RTEL1: variants seen among roughly 807,000 people sequenced by gnomAD.
RTEL1 encodes the protein regulator of telomere length.
A neutral mutation model predicts 162.2 loss-of-function variants in RTEL1; 86 were observed. The ratio of observed to expected loss-of-function variants is 0.53; its 90% CI spans 0.45 to 0.63. RTEL1 has a LOEUF of 0.63. Ranked by LOEUF, RTEL1 falls within the 30% of genes least tolerant of loss-of-function variation. The probability of loss-of-function intolerance (pLI) is 0.00; values close to 1 mark genes in which losing one functional copy is unlikely to be tolerated. For synonymous variants in RTEL1, 958 were observed against 717.9 expected, an observed-to-expected ratio of 1.33 and a Z score of -5.35; for missense variants, 1,941 against 1,750.2, an observed-to-expected ratio of 1.11 and a Z score of -1.95.
chr20:63,684,631 C>T (rs2090550724), intron 14 of RTEL1, among the ~76,000 whole-genome samples: 1 of 152,174 alleles, frequency 6.6e-6, no homozygotes, highest in Non-Finnish European at 1.5e-5. Flanking sequence ...GCATGAGCCA[C>T]CGTGCCCAGC....
intron 19 of RTEL1, 37 bp from the exon 20 acceptor site, chr20:63,688,263 TC>T: frequency 6.2e-7 from 1 of 1,609,618 alleles, no homozygotes; most frequent in South Asian, 1.1e-5. Flanking sequence ...CCTGCAGACA[TC>T]CTGCCCCTGC....
intron 6 of RTEL1, among the ~76,000 whole-genome samples, chr20:63,664,267 C>A (rs536387676): frequency 2.0e-3 from 304 of 152,342 alleles, no homozygotes; most frequent in African/African-American, 6.9e-3. Flanking sequence ...GAGGTCCTCA[C>A]CTGGATTTCC....
Position 63,668,113 on chromosome 20 carries a change from T to TC in RTEL1, c.699+566dup, listed in dbSNP as rs1403461008. ...CCCGTGTGCCCAGCCCCACGCTCAC[T>TC]CCCCCCGCCAGCATGTGCCCGGCCC... On this transcript the variant is annotated intron_variant, in intron 8 of 34. Coordinates refer to ENST00000360203, the MANE Select transcript of RTEL1 (RefSeq NM_001283009.2). The surrounding 1 kb of genome is among the most constrained non-coding windows in gnomAD (Gnocchi z 4.3). Among the ~76,000 whole-genome samples, 3 of 57,176 alleles carry TC rather than the reference T, an allele frequency of 5.2e-5. No individual in the cohort carries two copies. The highest frequency in any genetic ancestry group is 1.1e-4 in the Non-Finnish European group (3 of 27,438). 37.5% of individuals were successfully genotyped at this position (57,176 alleles called of 152,430 possible). A position where few individuals can be genotyped will look rare whatever the true frequency, so the allele number is the denominator to read the frequency against.
rs749496657 is a variant in RTEL1 at position 63,661,881 on chromosome 20, C to T, written c.333C>T (p.Tyr111=). Residue 111 remains tyrosine (Y), a synonymous_variant, in exon 4 of 35, where the codon TAC becomes TAT. Coordinates refer to ENST00000360203, the MANE Select transcript of RTEL1 (RefSeq NM_001283009.2). The surrounding 1 kb of genome is among the most constrained non-coding windows in gnomAD (Gnocchi z 5.1). ...ACACGGACATCCCAAAGATTATTTA[C>T]GCCTCCAGGACCCACTCGCAACTCA... ...ACYTDIPKII[Y]ASRTHSQLTQ... The T allele has an allele frequency of 6.2e-6, 10 of 1,613,906 alleles. No homozygotes were observed. Among genetic ancestry groups the T allele is most frequent in the Middle Eastern group, 1.6e-4 (1 of 6,084 alleles).
In RTEL1 at chr20:63,690,849, T is replaced by TTCA. The variant is rs1254325984; in HGVS notation, c.2458_2459insTCA (p.Tyr820delinsPheAsn). On this transcript the variant is annotated protein_altering_variant, in exon 27 of 35. Transcript: ENST00000360203. The stretch of plus-strand genomic sequence containing the variant: ...CCCCGAGAGTAGCCTGTGTGTGGAG[T>TTCA]ATGAGCAGGAGCCAGTTCCTGCCCG... 2 of 1,603,132 alleles carry TTCA rather than the reference T, an allele frequency of 1.2e-6. No individual in the cohort carries two copies. The highest frequency in any genetic ancestry group is 4.5e-5 in the East Asian group (2 of 44,494).
At chr20:63,686,169 G>T (rs1219370918) in intron 16 of RTEL1, 2 of 491,972 alleles carry the variant, frequency 4.1e-6, no homozygotes, top group Non-Finnish European at 7.5e-6. Context: ...TTTATGCCGA[G>T]GCCGTCAGCA....
At chr20:63,692,542 C>T (rs1334843068) in intron 28 of RTEL1, 1 of 545,394 alleles carries the variant, frequency 1.8e-6, no homozygotes, top group East Asian at 3.1e-5. Flanking sequence ...TGGCTTGAGG[C>T]AGAGCCAATC....
intron 30 of RTEL1, 47 bp downstream of exon 30, chr20:63,693,330 A>G: frequency 9.3e-6 from 15 of 1,605,756 alleles, no homozygotes; most frequent in Non-Finnish European, 1.3e-5. Context: ...CGTGGAAGGC[A>G]GTGTGGGCCA....
rs200938624 is a variant in RTEL1, at chr20:63,694,798, G to A, written c.3167G>A (p.Gly1056Asp). The A allele has an allele frequency of 6.2e-7, 1 of 1,612,206 alleles. No homozygotes were observed. The highest frequency in any genetic ancestry group is 1.3e-5 in the African/African-American group (1 of 75,060). Residue 1056 changes from glycine (G) to aspartate (D), a missense_variant, in exon 32 of 35, where the codon GGC becomes GAC. Gly to Asp is a moderately conservative substitution (Grantham distance 94). Coordinates refer to ENST00000360203, the MANE Select transcript of RTEL1 (RefSeq NM_001283009.2). ...GGAGTGCCCAGAGCAGGGAAGCAGG[G>A]CCAGCACGCCGTGAGCGCCTACCTG... ...GSGVPRAGKQGQHAVSAYLAD... is the reference protein window; with the variant it reads ...GSGVPRAGKQDQHAVSAYLAD...
Position 63,691,846 on chromosome 20 carries a change from GCTGTCC to G in RTEL1, c.2652+13_2652+18del, listed in dbSNP as rs758744004. On this transcript the variant is annotated intron_variant, in intron 28 of 34. Coordinates refer to ENST00000360203, the MANE Select transcript of RTEL1 (RefSeq NM_001283009.2). ...GGCTGGTCAGCCACCCGGTGCGTGAGCTGTCCCTGCACCTGTGCCGACCACCATAGA... is the reference window on the plus strand; with the variant it reads ...GGCTGGTCAGCCACCCGGTGCGTGAGCTGCACCTGTGCCGACCACCATAGA... 167 of 1,605,694 alleles carry G rather than the reference GCTGTCC, an allele frequency of 1.0e-4. No homozygotes were observed. Among genetic ancestry groups the G allele is most frequent in the Admixed American group, 1.7e-4 (10 of 59,986 alleles).
At chr20:63,659,193 C>T in intron 1 of RTEL1, 40 bp from the exon 2 acceptor site, 1 of 581,514 alleles carries the variant, frequency 1.7e-6, no homozygotes, top group South Asian at 1.9e-5. Context: ...CCGGTACCCA[C>T]AAAGGCTGTC....
At chr20:63,689,192 G>T in intron 22 of RTEL1, 60 bp downstream of exon 22, 2 of 1,506,278 alleles carry the variant, frequency 1.3e-6, no homozygotes, top group Non-Finnish European at 1.8e-6. Flanking sequence ...GGGTGCTTAT[G>T]GCTCCCCAGC....
intron 14 of RTEL1, chr20:63,681,128 C>T (rs558011156): frequency 2.0e-6 from 2 of 985,396 alleles, no homozygotes; most frequent in Non-Finnish European, 2.4e-6. Context: ...AAATGGGGAC[C>T]CTGCAGGTTC....
rs772337432 is a variant in RTEL1, at chr20:63,662,832, C to T, written c.481C>T (p.His161Tyr). Residue 161 changes from histidine (H) to tyrosine (Y), a missense_variant, in exon 6 of 35, where the codon CAC (histidine) becomes TAC (tyrosine). Physicochemically the swap from His to Tyr is moderately conservative, Grantham distance 83. Coordinates refer to ENST00000360203, the MANE Select transcript of RTEL1 (RefSeq NM_001283009.2). ...CACTCTGCCCTTCCTCCCACAGATCCACTTGTGCCGTAAGAAGGTGGCAAG... is the reference window on the plus strand; with the variant it reads ...CACTCTGCCCTTCCTCCCACAGATCTACTTGTGCCGTAAGAAGGTGGCAAG... ...KKQESNHLQI[H>Y]LCRKKVASRS... 4 of 1,613,800 alleles carry T rather than the reference C, an allele frequency of 2.5e-6. No individual in the cohort carries two copies. Among genetic ancestry groups the T allele is most frequent in the Admixed American group, 3.3e-5 (2 of 59,996 alleles).
At chr20:63,673,392 C>CA (rs1479027905) in intron 9 of RTEL1, among the ~76,000 whole-genome samples, 2 of 151,632 alleles carry the variant, frequency 1.3e-5, no homozygotes, top group Non-Finnish European at 2.9e-5. Flanking sequence ...GACTCCGTCT[C>CA]AAAAAAAATA....
chr20:63,673,678 A>T (rs530233418), intron 9 of RTEL1, among the ~76,000 whole-genome samples: 1 of 152,096 alleles, frequency 6.6e-6, no homozygotes, highest in African/African-American at 2.4e-5. Flanking sequence ...AGCTCAAGTG[A>T]TCTGCCCACC....
chr20:63,663,216 A>G (rs1486689943), intron 6 of RTEL1, among the ~76,000 whole-genome samples: 1 of 152,182 alleles, frequency 6.6e-6, no homozygotes, highest in Non-Finnish European at 1.5e-5. Context: ...TTTGCTGAAC[A>G]CCGGCTTTCT....
rs368176460 is a variant in RTEL1, at chr20:63,695,530, G to A, written c.3702G>A (p.Pro1234=). 222 of 1,612,288 alleles carry A rather than the reference G, an allele frequency of 1.4e-4. No individual in the cohort carries two copies. The African/African-American group carries it at 2.8e-3, about 20-fold the overall frequency. ...CTGGGCAGCAGGCCACGGGAGCTCC[G>A]GGCGGGCCCCTCTCAGCAGGCTGTG... is the stretch of plus-strand genomic sequence containing the variant. The part of the protein sequence containing the change: ...DIAGQQATGA[P]GGPLSAGCVC... Residue 1234 remains proline, a synonymous_variant, in exon 34 of 35, where the codon CCG becomes CCA. Transcript: ENST00000360203.
intron 12 of RTEL1, among the ~76,000 whole-genome samples, chr20:63,679,201 G>C (rs1410455985): frequency 6.6e-6 from 1 of 152,184 alleles, no homozygotes; most frequent in African/African-American, 2.4e-5. Flanking sequence ...GGGCCTGTGT[G>C]GGGGCTCTCC....
Sources: gnomAD v4.1 joint callset for allele counts (sites outside exome capture counted in the v4.1 genomes callset) on GRCh38, gnomAD v4.1.1 for gene constraint, Gnocchi (gnomAD v3.1) non-coding constraint, MANE v1.5 for transcripts, NCBI Gene and HGNC (gene_info 2026-07-23, HGNC 2026-07-21) for gene names.